Variants in PDS5B observed in about 807,000 individuals in gnomAD.
The protein encoded by PDS5B is PDS5 cohesin associated factor B, also known as sister chromatid cohesion protein PDS5 homolog B.
A neutral mutation model predicts 184.1 loss-of-function variants in PDS5B; 51 were observed. That is an observed-to-expected ratio of 0.28 (90% CI 0.22 to 0.35). The LOEUF is 0.35. PDS5B is among the 10% of genes least tolerant of loss of function. The probability of loss-of-function intolerance (pLI) is 1.00; values close to 1 mark genes in which losing one functional copy is unlikely to be tolerated. For synonymous variants in PDS5B, 566 were observed against 569.2 expected (o/e 0.99, Z 0.08); for missense variants, 1,180 against 1,723.3 (o/e 0.68, Z 5.58).
intron 31 of PDS5B, 54 bp from the exon 32 acceptor site, chr13:32,770,067 A>T (rs916586793): frequency 2.1e-5 from 31 of 1,499,486 alleles, no homozygotes; most frequent in African/African-American, 2.8e-5. Flanking sequence ...ATTCCTCAAA[A>T]TATGTATACT....
intron 13 of PDS5B, among the ~76,000 whole-genome samples, chr13:32,692,591 A>G (rs1413971789): frequency 1.3e-5 from 2 of 151,622 alleles, no homozygotes; most frequent in South Asian, 2.1e-4. Flanking sequence ...GGTAACAAGG[A>G]GATTTGTGGG....
At chr13:32,639,937 G>A (rs114475077) in intron 1 of PDS5B, among the ~76,000 whole-genome samples, 5 of 152,326 alleles carry the variant, frequency 3.3e-5, no homozygotes, top group African/African-American at 1.2e-4. Flanking sequence ...ACTGGCAGAT[G>A]CCGGTCTTTA....
At chr13:32,623,802 C>A (rs1593278678) in intron 1 of PDS5B, among the ~76,000 whole-genome samples, 1 of 150,778 alleles carries the variant, frequency 6.6e-6, no homozygotes, top group Non-Finnish European at 1.5e-5. Flanking sequence ...AGTTTATAAT[C>A]TATTCCTTTT....
At chr13:32,763,956 C>T (rs1954498604) in intron 30 of PDS5B, among the ~76,000 whole-genome samples, 1 of 152,052 alleles carries the variant, frequency 6.6e-6, no homozygotes, top group Admixed American at 6.6e-5. Flanking sequence ...GGACAGAGGC[C>T]TGGACCTTTA....
At chr13:32,648,515 G>A (rs1950283222) in intron 1 of PDS5B, among the ~76,000 whole-genome samples, 2 of 151,858 alleles carry the variant, frequency 1.3e-5, no homozygotes, top group African/African-American at 4.8e-5. Context: ...TTTAGTTGGA[G>A]GGTTAGGACA....
chr13:32,648,844 TA>T lies in PDS5B; in HGVS notation c.76del (p.Ile26TyrfsTer7). The stretch of plus-strand genomic sequence containing the variant: ...CGCCTGGGGTCAAGGAAATATCAGA[TA>T]AAATATCTAAAGAGGAGATGGTGAG... ...YPPGVKEISD[K>X]ISKEEMVRRL... On this transcript the variant is annotated frameshift_variant, in exon 2 of 35. Transcript: ENST00000315596. LOFTEE classifies it high-confidence loss of function. 6.6e-7 allele frequency: 1 copy of T among 1,525,710 alleles called. No homozygotes were observed. Among genetic ancestry groups the T allele is most frequent in the African/African-American group, 1.4e-5 (1 of 73,298 alleles). 94.5% of individuals were successfully genotyped at this position (1,525,710 alleles called of 1,614,324 possible).
chr13:32,715,723 G>A (rs1251916429), intron 19 of PDS5B, among the ~76,000 whole-genome samples: 1 of 152,086 alleles, frequency 6.6e-6, no homozygotes, highest in Non-Finnish European at 1.5e-5. Flanking sequence ...AAGCTGGACT[G>A]TACTGCTGCC....
At chr13:32,742,541 T>G (rs759842583) in intron 22 of PDS5B, 50 bp from the exon 23 acceptor site, 1 of 1,484,978 alleles carries the variant, frequency 6.7e-7, no homozygotes, top group South Asian at 1.3e-5. Flanking sequence ...GATACAGAAA[T>G]TCTTTCAAAA....
At chr13:32,587,022 C>A (rs2057694313) in intron 1 of PDS5B, among the ~76,000 whole-genome samples, 2 of 145,158 alleles carry the variant, frequency 1.4e-5, no homozygotes, top group Non-Finnish European at 1.5e-5. Flanking sequence ...CCGCGCCCCT[C>A]CCCCCGCGCC....
intron 11 of PDS5B, among the ~76,000 whole-genome samples, chr13:32,686,130 C>G (rs17077746): frequency 0.062 from 9,387 of 152,210 alleles, 643 homozygotes; most frequent in African/African-American, 0.17. Flanking sequence ...TCTGCAGATT[C>G]ATGATGTTTT....
At chr13:32,719,481 C>T (rs918511624) in intron 19 of PDS5B, among the ~76,000 whole-genome samples, 1 of 151,996 alleles carries the variant, frequency 6.6e-6, no homozygotes, top group African/African-American at 2.4e-5. Flanking sequence ...CCATGCCTGG[C>T]CTGGATTGTA....
At chr13:32,625,178 G>A (rs2058352806) in intron 1 of PDS5B, among the ~76,000 whole-genome samples, 1 of 152,082 alleles carries the variant, frequency 6.6e-6, no homozygotes, top group African/African-American at 2.4e-5. Flanking sequence ...GTACAGTGAC[G>A]TGATCACAGC....
At chr13:32,726,898 A>G (rs1482153769) in intron 19 of PDS5B, among the ~76,000 whole-genome samples, 1 of 152,216 alleles carries the variant, frequency 6.6e-6, no homozygotes, top group African/African-American at 2.4e-5. Flanking sequence ...CCTGGGCAAT[A>G]GAGCAACACC....
rs1954258420 is a variant in PDS5B at position 32,758,295 on chromosome 13, G to A, written c.3189+76G>A. On this transcript the variant is annotated intron_variant, in intron 27 of 34. Transcript: ENST00000315596. ...AGGTGTAAAGTATGAAACTTCTGTAGTATTTATAGATAGCATCAAATAATT... is the reference window on the plus strand; with the variant it reads ...AGGTGTAAAGTATGAAACTTCTGTAATATTTATAGATAGCATCAAATAATT... The A allele has an allele frequency of 4.2e-6, 5 of 1,194,480 alleles. No individual in the cohort carries two copies. In the South Asian group the frequency reaches 9.0e-5, roughly 22 times the overall value. The allele number at this position is 1,194,480 out of a possible 1,614,324, so 74.0% of individuals were successfully genotyped here.
At chr13:32,719,986 C>T (rs1454613089) in intron 19 of PDS5B, among the ~76,000 whole-genome samples, 1 of 152,060 alleles carries the variant, frequency 6.6e-6, no homozygotes, top group African/African-American at 2.4e-5. Flanking sequence ...TTAGTAGAGA[C>T]TGGATTTTGC....
At chr13:32,709,457 A>G (rs1004881856) in intron 18 of PDS5B, among the ~76,000 whole-genome samples, 2 of 151,740 alleles carry the variant, frequency 1.3e-5, no homozygotes, top group African/African-American at 4.8e-5. Context: ...ACTGCCTTAC[A>G]TTTTCTGTTT....
intron 1 of PDS5B, among the ~76,000 whole-genome samples, chr13:32,626,986 C>T (rs933110861): frequency 1.2e-4 from 18 of 151,422 alleles, no homozygotes; most frequent in African/African-American, 4.4e-4. Flanking sequence ...CCTTTGTTTC[C>T]TGTTTTCCAC....
intron 33 of PDS5B, among the ~76,000 whole-genome samples, chr13:32,772,474 CAG>C (rs1954822574): frequency 6.6e-6 from 1 of 152,038 alleles, no homozygotes; most frequent in Non-Finnish European, 1.5e-5. Context: ...GCTAGACAGG[CAG>C]AGAACAGGTG....
chr13:32,714,328 A>G (rs1952303739), intron 19 of PDS5B, among the ~76,000 whole-genome samples: 1 of 152,126 alleles, frequency 6.6e-6, no homozygotes. Context: ...CCTCTTCCTA[A>G]TAAGCCTCAC....
Sources: allele counts gnomAD v4.1 joint callset (sites outside exome capture counted in the v4.1 genomes callset), GRCh38; gene constraint gnomAD v4.1.1; transcripts MANE v1.5; gene names NCBI Gene and HGNC (gene_info 2026-07-23, HGNC 2026-07-21).